HMCN1: variants seen among roughly 807,000 people sequenced by gnomAD.
The protein encoded by HMCN1 is hemicentin 1, also known as hemicentin-1.
Under a neutral mutation model 625.9 loss-of-function variants are expected in HMCN1, and 321 were observed. The observed-to-expected ratio is 0.51, with a 90% CI of 0.47 to 0.56. The LOEUF is 0.56. Among genes scored for constraint, HMCN1 ranks in the 20% least tolerant of loss-of-function variants. HMCN1 has a pLI of 0.00. For missense variants in HMCN1, 6,588 were observed against 6,887.3 expected (o/e 0.96, Z 1.54); for synonymous variants, 2,425 against 2,417.6 (o/e 1.00, Z -0.09).
At chr1:186,041,566 A>AG (rs1398548719) in intron 40 of HMCN1, among the ~76,000 whole-genome samples, 3 of 152,150 alleles carry the variant, frequency 2.0e-5, no homozygotes, top group Non-Finnish European at 4.4e-5. Flanking sequence ...TGGCTCTTTG[A>AG]GAAGCAAAAA....
chr1:185,799,035 CT>C (rs1223660186), intron 1 of HMCN1, among the ~76,000 whole-genome samples: 3 of 152,094 alleles, frequency 2.0e-5, no homozygotes, highest in Non-Finnish European at 4.4e-5. Context: ...TTGGATACAA[CT>C]TTTTTCTTCC....
intron 91 of HMCN1, 84 bp downstream of exon 91, chr1:186,144,787 T>C (rs1650209806): frequency 4.6e-6 from 7 of 1,520,962 alleles, no homozygotes; most frequent in Admixed American, 1.7e-5. Flanking sequence ...CAATATTCCG[T>C]TATTTGGTTC....
chr1:186,098,556 T>C (rs1309358546), intron 68 of HMCN1, among the ~76,000 whole-genome samples: 1 of 152,000 alleles, frequency 6.6e-6, no homozygotes, highest in Non-Finnish European at 1.5e-5. Flanking sequence ...TCGGCAAGGA[T>C]GTGGAGAAAA....
chr1:185,921,738 A>G (rs1319508664), intron 6 of HMCN1, among the ~76,000 whole-genome samples: 1 of 152,094 alleles, frequency 6.6e-6, no homozygotes, highest in Admixed American at 6.5e-5. Flanking sequence ...ATAATGGTGA[A>G]CTCTTGTTCA....
chr1:185,971,417 A>G (rs1390885907), intron 15 of HMCN1, among the ~76,000 whole-genome samples: 1 of 152,216 alleles, frequency 6.6e-6, no homozygotes, highest in Admixed American at 6.5e-5. Context: ...ATGTCTCTTC[A>G]CATTGTAGTC....
In HMCN1 at chr1:185,933,776, T is replaced by A; in HGVS notation, c.1780T>A (p.Ser594Thr). The change falls in exon 11 of 107, where the codon TCT (serine) becomes ACT (threonine). Residue 594 changes from serine to threonine, a missense_variant. Physicochemically the swap from Ser to Thr is moderately conservative, Grantham distance 58. Transcript: ENST00000271588. Reference sequence around the variant, plus strand: ...TGCTGGAGAGTATCATTGTATGGTTTCTAGTGAAGGTGGATCATCAGCCGC... The same window carrying A: ...TGCTGGAGAGTATCATTGTATGGTTACTAGTGAAGGTGGATCATCAGCCGC... ...NDAGEYHCMV[S>T]SEGGSSAASV... The A allele has an allele frequency of 6.2e-7, 1 of 1,613,948 alleles. No individual in the cohort carries two copies. Among genetic ancestry groups the A allele is most frequent in the Non-Finnish European group, 8.5e-7 (1 of 1,179,846 alleles).
chr1:186,172,278 A>G (rs1652281664), intron 102 of HMCN1, 147 bp downstream of exon 102: 3 of 1,107,296 alleles, frequency 2.7e-6, no homozygotes, highest in South Asian at 2.6e-5. Flanking sequence ...TTCTAGGATA[A>G]TTGAGCTCCA....
intron 1 of HMCN1, among the ~76,000 whole-genome samples, chr1:185,812,270 T>C (rs1449004937): frequency 1.3e-5 from 2 of 152,164 alleles, no homozygotes; most frequent in Non-Finnish European, 2.9e-5. Context: ...TTGATTTTAG[T>C]GTTATTTTGG....
In HMCN1 at chr1:186,038,152, C is replaced by A. The variant is rs73064308; in HGVS notation, c.5851+117C>A. 8.9e-3 allele frequency: 6,348 copies of A among 717,276 alleles called. 309 individuals carry two copies. The African/African-American group carries it at 0.098, about 11-fold the overall frequency. The allele number at this position is 717,276 out of a possible 1,614,324, so 44.4% of individuals were successfully genotyped here. ...AAAGAACAGGTTATAGAATACATTT[C>A]ATGGGTGAAACATTGATAAGAATAT... On this transcript the variant is annotated intron_variant, in intron 37 of 106. Coordinates refer to ENST00000271588, the MANE Select transcript of HMCN1 (RefSeq NM_031935.3).
chr1:185,987,506 G>A lies in HMCN1; in HGVS notation c.3010G>A (p.Ala1004Thr). Residue 1004 changes from alanine to threonine, a missense_variant, in exon 20 of 107, where the codon GCA becomes ACA. By Grantham distance (58) the Ala-to-Thr change is moderately conservative. Around this residue, in one of 3 missense-constraint regions of HMCN1, gnomAD observed 4,628 missense variants for 4,853.1 expected, o/e 0.95. Coordinates refer to ENST00000271588, the MANE Select transcript of HMCN1 (RefSeq NM_031935.3). ...EGIPVTLPCK[A>T]SGNPKPSVIW... ...CATTCCAGTAACTTTACCATGCAAA[G>A]CAAGTGGAAATCCCAAACCGTCTGT... 2 of 1,613,686 alleles carry A rather than the reference G, an allele frequency of 1.2e-6. No individual in the cohort carries two copies. The highest frequency in any genetic ancestry group is 2.2e-5 in the East Asian group (1 of 44,878).
At position 185,902,241 on chromosome 1, in the gene HMCN1, A is replaced by AT. The variant is rs576103475; in HGVS notation, c.622-7086dup. ...ATATTCAGATACTTTTTTTATATAA[A>AT]TTTTTTTTTTGTTTAGTAATGTAAA... On this transcript the variant is annotated intron_variant, in intron 4 of 106. Transcript: ENST00000271588. 6.9e-4 allele frequency among the ~76,000 whole-genome samples: 103 copies of AT among 149,380 alleles called. 1 individual carries two copies. Among genetic ancestry groups the AT allele is most frequent in the South Asian group, 1.5e-3 (7 of 4,748 alleles).
In HMCN1 at chr1:186,067,938, C is replaced by G. The variant is rs761831669; in HGVS notation, c.7810C>G (p.Pro2604Ala). 13 of 1,613,442 alleles carry G rather than the reference C, an allele frequency of 8.1e-6. 1 individual carries two copies. The South Asian group carries it at 1.3e-4, about 16-fold the overall frequency. ...GGTCTGTGAAGCTTATTCATATCCTCCAGCTACCATCACCTGGTTTAAGGA... is the reference window on the plus strand; with the variant it reads ...GGTCTGTGAAGCTTATTCATATCCTGCAGCTACCATCACCTGGTTTAAGGA... ...SLVCEAYSYP[P>A]ATITWFKDGT... is the part of the protein sequence containing the mutation. The change falls in exon 50 of 107, where the codon CCA becomes GCA. Residue 2604 changes from proline (P) to alanine (A), a missense_variant. By Grantham distance (27) the Pro-to-Ala change is conservative. This residue lies in a region of HMCN1 where 4,628 missense variants were observed against 4,853.1 expected (regional missense o/e 0.95). Coordinates refer to ENST00000271588, the MANE Select transcript of HMCN1 (RefSeq NM_031935.3).
chr1:186,161,549 C>T (rs2102606044), intron 97 of HMCN1, among the ~76,000 whole-genome samples: 1 of 151,992 alleles, frequency 6.6e-6, no homozygotes, highest in African/African-American at 2.4e-5. Context: ...GATTTTGCAG[C>T]AGCTGGTACC....
At chr1:186,066,081 C>T (rs1411625157) in intron 49 of HMCN1, among the ~76,000 whole-genome samples, 1 of 152,112 alleles carries the variant, frequency 6.6e-6, no homozygotes, top group African/African-American at 2.4e-5. Flanking sequence ...AGAAACTTCT[C>T]ATATTGAACA....
In HMCN1 at chr1:186,153,480, A is replaced by C. The variant is rs1441408402; in HGVS notation, c.15019-270A>C. Among the ~76,000 whole-genome samples, 3 of 152,244 alleles carry C rather than the reference A, an allele frequency of 2.0e-5. No homozygotes were observed. In the East Asian group the frequency reaches 5.8e-4, roughly 29 times the overall value. On this transcript the variant is annotated intron_variant, in intron 96 of 106. Transcript: ENST00000271588. ...TCCGCCACTTTGTACCAATGTAATG[A>C]TGAGAAAGTTGCTTAATTTCTACAA... is the stretch of plus-strand genomic sequence containing the variant.
At position 185,734,938 on chromosome 1, in the gene HMCN1, T is replaced by C. The variant is rs2102055890; in HGVS notation, c.159T>C (p.Tyr53=). 1 of 1,614,156 alleles carries C rather than the reference T, an allele frequency of 6.2e-7. No individual in the cohort carries two copies. Among genetic ancestry groups the C allele is most frequent in the Non-Finnish European group, 8.5e-7 (1 of 1,180,022 alleles). The change falls in exon 1 of 107, where the codon TAT becomes TAC. Residue 53 remains tyrosine, a synonymous_variant. Transcript: ENST00000271588. ...AFVFDVTGSM[Y]DDLVQVIEGA... ...TGTTTGATGTGACTGGTTCTATGTA[T>C]GATGATTTAGTTCAGGTGATTGAAG...
chr1:185,981,754 T>A (rs538522826), intron 17 of HMCN1, among the ~76,000 whole-genome samples: 1 of 152,302 alleles, frequency 6.6e-6, no homozygotes, highest in Non-Finnish European at 1.5e-5. Context: ...TATTCATTAA[T>A]TTTTAGAGAA....
At chr1:185,880,933 C>T (rs887931861) in intron 4 of HMCN1, among the ~76,000 whole-genome samples, 1 of 152,208 alleles carries the variant, frequency 6.6e-6, no homozygotes, top group Admixed American at 6.5e-5. Flanking sequence ...AGGGAGGGAG[C>T]GCGCAGGTGA....
chr1:185,861,322 C>G (rs189895534), intron 2 of HMCN1, among the ~76,000 whole-genome samples: 2 of 152,284 alleles, frequency 1.3e-5, no homozygotes, highest in Admixed American at 6.5e-5. Flanking sequence ...AAAACTTCTC[C>G]TAGTGTGTTG....
Sources: gnomAD v4.1 joint callset for allele counts (sites outside exome capture counted in the v4.1 genomes callset) on GRCh38, gnomAD v4.1.1 for gene constraint, gnomAD v4.1.1 regional missense constraint, MANE v1.5 for transcripts, NCBI Gene and HGNC (gene_info 2026-07-23, HGNC 2026-07-21) for gene names.